Variants in ATP8A2 observed in about 807,000 individuals in gnomAD.
The protein encoded by ATP8A2 is phospholipid-transporting ATPase IB.
A neutral mutation model predicts 165.6 loss-of-function variants in ATP8A2; 100 were observed. The ratio of observed to expected loss-of-function variants is 0.60; its 90% CI spans 0.51 to 0.71. The LOEUF (loss-of-function observed/expected upper bound fraction) is 0.71. Ranked by LOEUF, ATP8A2 falls within the 30% of genes least tolerant of loss-of-function variation. ATP8A2 has a pLI of 0.00. For synonymous variants in ATP8A2, 543 were observed against 548.8 expected, an observed-to-expected ratio of 0.99 and a Z score of 0.15; for missense variants, 1,227 against 1,479.5, an observed-to-expected ratio of 0.83 and a Z score of 2.80.
At chr13:25,689,494 A>C (rs2042677581) in intron 24 of ATP8A2, among the ~76,000 whole-genome samples, 1 of 152,200 alleles carries the variant, frequency 6.6e-6, no homozygotes, top group African/African-American at 2.4e-5. Context: ...TGTAATCTCC[A>C]TTGTGCTCAG....
At chr13:25,788,168 TGTAAA>T (rs1266631838) in intron 27 of ATP8A2, among the ~76,000 whole-genome samples, 2 of 152,216 alleles carry the variant, frequency 1.3e-5, no homozygotes, top group Non-Finnish European at 2.9e-5. Flanking sequence ...TATCCTTTCC[TGTAAA>T]GTGAGGAAAA....
At chr13:25,412,337 A>G (rs2033991941) in intron 1 of ATP8A2, among the ~76,000 whole-genome samples, 1 of 152,190 alleles carries the variant, frequency 6.6e-6, no homozygotes, top group Admixed American at 6.5e-5. Context: ...TGCTTATTCT[A>G]TAAGGTCTAC....
chr13:25,764,304 A>G (rs1042573408), intron 25 of ATP8A2, among the ~76,000 whole-genome samples: 1 of 152,220 alleles, frequency 6.6e-6, no homozygotes, highest in Non-Finnish European at 1.5e-5. Flanking sequence ...AATACCAATA[A>G]AATGTATACT....
chr13:25,918,860 T>G (rs115767123), intron 33 of ATP8A2, among the ~76,000 whole-genome samples: 276 of 152,348 alleles, frequency 1.8e-3, no homozygotes, highest in African/African-American at 6.4e-3. Context: ...TTTAAATAAC[T>G]TATTGTGTAT....
chr13:25,799,759 A>G (rs561709258), intron 27 of ATP8A2, among the ~76,000 whole-genome samples: 1 of 152,320 alleles, frequency 6.6e-6, no homozygotes, highest in South Asian at 2.1e-4. Flanking sequence ...AAGCATTTCA[A>G]GTGCTCTTGC....
At chr13:25,872,976 G>A (rs1217028215) in intron 33 of ATP8A2, among the ~76,000 whole-genome samples, 2 of 151,904 alleles carry the variant, frequency 1.3e-5, no homozygotes, top group African/African-American at 4.8e-5. Context: ...CAGGCTAGAC[G>A]TATTTCAAGT....
Position 25,669,335 on chromosome 13 carries a change from CCAGTTATGTGA to C in ATP8A2, c.2212-29834_2212-29824del, listed in dbSNP as rs926495305. 5.9e-5 allele frequency among the ~76,000 whole-genome samples: 9 copies of C among 152,172 alleles called. No homozygotes were observed. In the South Asian group the frequency reaches 6.2e-4, roughly 11 times the overall value. On this transcript the variant is annotated intron_variant, in intron 24 of 36. Transcript: ENST00000381655. ...TCCATTTTGTTATCTCATTGGTCAGCCAGTTATGTGACAGAGGATTTCCTTAAATGTCTGGA... is the reference window on the plus strand; with the variant it reads ...TCCATTTTGTTATCTCATTGGTCAGCCAGAGGATTTCCTTAAATGTCTGGA...
At chr13:25,958,768 C>T (rs1955591607) in intron 33 of ATP8A2, among the ~76,000 whole-genome samples, 1 of 152,078 alleles carries the variant, frequency 6.6e-6, no homozygotes, top group African/African-American at 2.4e-5. Flanking sequence ...TTTTGAAGAC[C>T]AGCAACAGAA....
rs1439800595 is a variant in ATP8A2, at chr13:25,674,282, A to C, written c.2212-24891A>C. Among the ~76,000 whole-genome samples, 24 of 151,842 alleles carry C rather than the reference A, an allele frequency of 1.6e-4. 2 individuals are homozygous for C. Among genetic ancestry groups the C allele is most frequent in the Admixed American group, 1.6e-3 (24 of 15,250 alleles). On this transcript the variant is annotated intron_variant, in intron 24 of 36. Transcript: ENST00000381655. ...CAGATGTGTCCCCCCCCGAAAACTA[A>C]ATCTATAAGGACCTTTGGCTCTTTT...
chr13:25,482,351 C>T (rs1003967418), intron 2 of ATP8A2, among the ~76,000 whole-genome samples: 1 of 152,088 alleles, frequency 6.6e-6, no homozygotes. Flanking sequence ...CCCTCTCTGT[C>T]AAGAATTGGG....
intron 25 of ATP8A2, among the ~76,000 whole-genome samples, chr13:25,727,655 C>T (rs1340997499): frequency 6.6e-6 from 1 of 152,148 alleles, no homozygotes; most frequent in Non-Finnish European, 1.5e-5. Context: ...GCAACCAAAA[C>T]ACATGGGATG....
At chr13:25,803,587 C>T (rs180867620) in intron 27 of ATP8A2, among the ~76,000 whole-genome samples, 1 of 152,230 alleles carries the variant, frequency 6.6e-6, no homozygotes, top group Non-Finnish European at 1.5e-5. Context: ...GTCCAACTCT[C>T]GTGCGTGTGC....
At chr13:25,908,214 G>A (rs1349378679) in intron 33 of ATP8A2, among the ~76,000 whole-genome samples, 1 of 152,006 alleles carries the variant, frequency 6.6e-6, no homozygotes, top group Non-Finnish European at 1.5e-5. Flanking sequence ...ATGTCTGTAG[G>A]GCAGTTTTCT....
Position 25,798,798 on chromosome 13 carries a change from G to A in ATP8A2, c.2679+23839G>A, listed in dbSNP as rs139895842. 3.0e-3 allele frequency among the ~76,000 whole-genome samples: 453 copies of A among 152,232 alleles called. 2 individuals are homozygous for A. The highest frequency in any genetic ancestry group is 0.01 in the African/African-American group (418 of 41,546). ...TTGACCTCTGCAGGTAGTAGTGGCA[G>A]TTAAATGATGCAGGGGAGGCAAAGC... On this transcript the variant is annotated intron_variant, in intron 27 of 36. Coordinates refer to ENST00000381655, the MANE Select transcript of ATP8A2 (RefSeq NM_016529.6).
chr13:25,662,577 G>A (rs1052072389), intron 24 of ATP8A2, among the ~76,000 whole-genome samples: 1 of 152,128 alleles, frequency 6.6e-6, no homozygotes, highest in African/African-American at 2.4e-5. Flanking sequence ...CTGTCAAAAA[G>A]CTGACTGTAA....
chr13:25,774,964 GA>G lies in ATP8A2; in HGVS notation c.2679+7del, dbSNP rs1208557879. ...GTGGTCCTGTATATTATTGAGGTAA[GA>G]AGGGGTATTTTTTTTCCTTGAAGAG... On this transcript the variant is annotated splice_donor_region_variant and intron_variant, in intron 27 of 36. Coordinates refer to ENST00000381655, the MANE Select transcript of ATP8A2 (RefSeq NM_016529.6). 2 of 1,519,706 alleles carry G rather than the reference GA, an allele frequency of 1.3e-6. No homozygotes were observed. 94.1% of individuals were successfully genotyped at this position (1,519,706 alleles called of 1,614,324 possible).
chr13:25,461,584 A>G (rs2035503296), intron 1 of ATP8A2, among the ~76,000 whole-genome samples: 1 of 152,224 alleles, frequency 6.6e-6, no homozygotes, highest in Non-Finnish European at 1.5e-5. Flanking sequence ...ACACTTACAT[A>G]CTTTTCAAGT....
chr13:25,646,787 G>T (rs1014062745), intron 24 of ATP8A2, among the ~76,000 whole-genome samples: 2 of 151,782 alleles, frequency 1.3e-5, no homozygotes, highest in Non-Finnish European at 2.9e-5. Context: ...GTTTTGTTCT[G>T]GTTGTTTTAA....
At chr13:25,824,696 T>C (rs1226700319) in intron 27 of ATP8A2, among the ~76,000 whole-genome samples, 2 of 152,134 alleles carry the variant, frequency 1.3e-5, no homozygotes, top group African/African-American at 2.4e-5. Flanking sequence ...AGGTTTCTCT[T>C]GGATGATTCT....
Sources: allele counts gnomAD v4.1 joint callset (sites outside exome capture counted in the v4.1 genomes callset), GRCh38; gene constraint gnomAD v4.1.1; transcripts MANE v1.5; gene names NCBI Gene and HGNC (gene_info 2026-07-23, HGNC 2026-07-21).